The following PLPPR1 variants were observed in gnomAD, a reference collection of about 807,000 sequenced individuals.
The protein encoded by PLPPR1 is phospholipid phosphatase-related protein type 1.
A neutral mutation model predicts 33.1 loss-of-function variants in PLPPR1; 10 were observed. The observed-to-expected ratio is 0.30, with a 90% confidence interval of 0.19 to 0.51. The LOEUF (loss-of-function observed/expected upper bound fraction) is 0.51. PLPPR1 is among the 20% of genes least tolerant of loss of function. The probability of loss-of-function intolerance (pLI) is 0.97; values close to 1 mark genes in which losing one functional copy is unlikely to be tolerated. For synonymous variants in PLPPR1, 151 were observed against 151.0 expected, an observed-to-expected ratio of 1.00 and a Z score of 0.00; for missense variants, 304 against 408.1, an observed-to-expected ratio of 0.74 and a Z score of 2.20.
chr9:101,308,092 C>T (rs1486310532), intron 4 of PLPPR1, among the ~76,000 whole-genome samples: 1 of 152,100 alleles, frequency 6.6e-6, no homozygotes, highest in Non-Finnish European at 1.5e-5. Context: ...ACAGCAAAAC[C>T]AGAATAATGC....
chr9:101,067,375 T>A (rs1395179052), intron 1 of PLPPR1, among the ~76,000 whole-genome samples: 1 of 152,064 alleles, frequency 6.6e-6, no homozygotes, highest in African/African-American at 2.4e-5. Context: ...TTGGCTCTTG[T>A]GGCCTTGGGC....
At chr9:101,046,105 G>A in intron 1 of PLPPR1, among the ~76,000 whole-genome samples, 1 of 152,164 alleles carries the variant, frequency 6.6e-6, no homozygotes, top group East Asian at 1.9e-4. Flanking sequence ...GTCTGTAAGT[G>A]CACTGCATTG....
chr9:101,201,681 C>T (rs1022292954), intron 2 of PLPPR1, among the ~76,000 whole-genome samples: 1 of 152,208 alleles, frequency 6.6e-6, no homozygotes, highest in Non-Finnish European at 1.5e-5. Flanking sequence ...GCTTACAAGA[C>T]AATCCAGCTA....
chr9:101,034,276 AG>A (rs1186797495), intron 1 of PLPPR1, among the ~76,000 whole-genome samples: 5 of 152,116 alleles, frequency 3.3e-5, no homozygotes, highest in African/African-American at 1.2e-4. Context: ...GAGCATGCAA[AG>A]ATATATTTGA....
At position 101,246,077 on chromosome 9, in the gene PLPPR1, T is replaced by G. The variant is rs78466812; in HGVS notation, c.64-23803T>G. ...ATGAATATATATATATATATATATA[T>G]ATATATATATATATATATATATATA... is the stretch of plus-strand genomic sequence containing the variant. On this transcript the variant is annotated intron_variant, in intron 2 of 7. Coordinates refer to ENST00000374874, the MANE Select transcript of PLPPR1 (RefSeq NM_207299.2). Among the ~76,000 whole-genome samples the G allele has an allele frequency of 4.4e-5, 5 of 112,560 alleles. 1 individual carries two copies. Among genetic ancestry groups the G allele is most frequent in the East Asian group, 2.8e-4 (1 of 3,526 alleles). The allele number at this position is 112,560 out of a possible 152,430, so 73.8% of individuals were successfully genotyped here.
At chr9:101,287,797 G>A (rs984139638) in intron 4 of PLPPR1, among the ~76,000 whole-genome samples, 3 of 152,186 alleles carry the variant, frequency 2.0e-5, no homozygotes, top group Non-Finnish European at 2.9e-5. Context: ...CACTGTGCCC[G>A]GCCCCTGTAA....
intron 2 of PLPPR1, among the ~76,000 whole-genome samples, chr9:101,269,647 CT>C (rs1828057472): frequency 6.6e-6 from 1 of 152,158 alleles, no homozygotes. Flanking sequence ...TGGCTGGGAT[CT>C]GCCTTTCAGA....
chr9:101,230,830 T>G (rs1399962230), intron 2 of PLPPR1, among the ~76,000 whole-genome samples: 2 of 150,302 alleles, frequency 1.3e-5, no homozygotes, highest in African/African-American at 2.4e-5. Flanking sequence ...TTATTAAAGT[T>G]TTTTTTTTTT....
chr9:101,046,230 CT>C (rs1274543530), intron 1 of PLPPR1, among the ~76,000 whole-genome samples: 8 of 151,970 alleles, frequency 5.3e-5, no homozygotes, highest in African/African-American at 1.9e-4. Context: ...CCCAGAGCTA[CT>C]TTTCCCTTGC....
At chr9:101,218,222 T>C (rs531115729) in intron 2 of PLPPR1, among the ~76,000 whole-genome samples, 30 of 152,236 alleles carry the variant, frequency 2.0e-4, no homozygotes, top group African/African-American at 5.8e-4. Flanking sequence ...ATTGGGAATA[T>C]GAGATAGCAT....
At chr9:101,082,132 G>T (rs2118513434) in intron 1 of PLPPR1, among the ~76,000 whole-genome samples, 1 of 152,274 alleles carries the variant, frequency 6.6e-6, no homozygotes, top group African/African-American at 2.4e-5. Flanking sequence ...AACTGTGGAG[G>T]GGAATAAGGG....
At position 101,223,084 on chromosome 9, in the gene PLPPR1, G is replaced by A. The variant is rs115141086; in HGVS notation, c.63+37527G>A. 7.2e-3 allele frequency among the ~76,000 whole-genome samples: 1,079 copies of A among 150,060 alleles called. 11 individuals carry two copies. Among genetic ancestry groups the A allele is most frequent in the African/African-American group, 0.024 (994 of 40,640 alleles). ...TCCCTGTGCTGTGGGAGACTGAGGT[G>A]GGAAGATTGTTTGAAGCCAGAAGTT... is the stretch of plus-strand genomic sequence containing the variant. On this transcript the variant is annotated intron_variant, in intron 2 of 7. Transcript: ENST00000374874.
chr9:101,228,114 C>G (rs746427529), intron 2 of PLPPR1, among the ~76,000 whole-genome samples: 5 of 152,148 alleles, frequency 3.3e-5, no homozygotes, highest in Non-Finnish European at 7.4e-5. Flanking sequence ...CTGACAAATT[C>G]AAGATGACTG....
At chr9:101,144,849 C>T (rs969128116) in intron 1 of PLPPR1, among the ~76,000 whole-genome samples, 1 of 152,116 alleles carries the variant, frequency 6.6e-6, no homozygotes, top group African/African-American at 2.4e-5. Context: ...ATTTCCCCAC[C>T]TTCTCATTCA....
intron 2 of PLPPR1, among the ~76,000 whole-genome samples, chr9:101,220,022 T>C (rs1288639325): frequency 1.2e-4 from 19 of 152,218 alleles, no homozygotes; most frequent in Admixed American, 1.2e-3. Context: ...CTGACATCAG[T>C]AGATGTGTTC....
At chr9:101,261,243 A>C (rs571398696) in intron 2 of PLPPR1, among the ~76,000 whole-genome samples, 1 of 152,156 alleles carries the variant, frequency 6.6e-6, no homozygotes, top group Non-Finnish European at 1.5e-5. Flanking sequence ...AGTAAGAGTC[A>C]TTATTATTAT....
At chr9:101,245,867 ACATAGACT>A (rs1448273382) in intron 2 of PLPPR1, among the ~76,000 whole-genome samples, 6 of 151,656 alleles carry the variant, frequency 4.0e-5, no homozygotes, top group Non-Finnish European at 7.4e-5. Flanking sequence ...ACATATTTTG[ACATAGACT>A]CCAAATAGGG....
Position 101,172,524 on chromosome 9 carries a change from T to C in PLPPR1, c.-45-12926T>C, listed in dbSNP as rs573599910. ...CCTTGGTTGGTGGGAAGAGAAAGTATTCTTGGCCCTGTGTAAACCCCTATG... is the reference window on the plus strand; with the variant it reads ...CCTTGGTTGGTGGGAAGAGAAAGTACTCTTGGCCCTGTGTAAACCCCTATG... On this transcript the variant is annotated intron_variant, in intron 1 of 7. Transcript: ENST00000374874. Among the ~76,000 whole-genome samples, 5 of 152,212 alleles carry C rather than the reference T, an allele frequency of 3.3e-5. No homozygotes were observed. In the South Asian group the frequency reaches 1.0e-3, roughly 32 times the overall value.
At chr9:101,265,980 T>G (rs1827984858) in intron 2 of PLPPR1, among the ~76,000 whole-genome samples, 2 of 147,888 alleles carry the variant, frequency 1.4e-5, no homozygotes, top group Non-Finnish European at 3.0e-5. Flanking sequence ...TGGGCGACAG[T>G]GCGAGACACC....
Sources: gnomAD v4.1 joint callset for allele counts (sites outside exome capture counted in the v4.1 genomes callset) on GRCh38, gnomAD v4.1.1 for gene constraint, MANE v1.5 for transcripts, NCBI Gene and HGNC (gene_info 2026-07-23, HGNC 2026-07-21) for gene names.